FANCA: variants seen among roughly 807,000 people sequenced by gnomAD.
FANCA encodes FA complementation group A.
A neutral mutation model predicts 194.3 loss-of-function variants in FANCA; 236 were observed. The observed-to-expected ratio is 1.21, with a 90% CI of 1.09 to 1.35. FANCA has a LOEUF of 1.35. Among genes scored for constraint, FANCA ranks in the 40% most tolerant of loss-of-function variants. The probability of loss-of-function intolerance (pLI) is 0.00; values close to 1 mark genes in which losing one functional copy is unlikely to be tolerated. For missense variants in FANCA, 2,628 were observed against 1,813.9 expected, an observed-to-expected ratio of 1.45 and a Z score of -8.15; for synonymous variants, 1,014 against 715.8, an observed-to-expected ratio of 1.42 and a Z score of -6.65.
At chr16:89,773,558 G>A (rs990476361) in intron 21 of FANCA, among the ~76,000 whole-genome samples, 174 bp from the exon 22 acceptor site, 3 of 152,048 alleles carry the variant, frequency 2.0e-5, no homozygotes, top group African/African-American at 7.2e-5. Context: ...CCCTGATGCT[G>A]GATGCCACAT....
intron 14 of FANCA, among the ~76,000 whole-genome samples, chr16:89,785,851 G>GTGTT (rs2039875946): frequency 1.1e-5 from 1 of 91,706 alleles, no homozygotes; most frequent in Non-Finnish European, 1.9e-5. Flanking sequence ...GTGCAAAATT[G>GTGTT]TGTTTTGTTT....
In FANCA at chr16:89,739,308, T is replaced by A; in HGVS notation, c.4011-19A>T. On this transcript the variant is annotated intron_variant, in intron 40 of 42. Coordinates refer to ENST00000389301, the MANE Select transcript of FANCA (RefSeq NM_000135.4). ...GAGAAGACTAGAGGTAAAGACATAG[T>A]GACAAATGGCTACAGACTGCTGGAA... 6.2e-7 allele frequency: 1 copy of A among 1,614,008 alleles called. No homozygotes were observed. Among genetic ancestry groups the A allele is most frequent in the Non-Finnish European group, 8.5e-7 (1 of 1,179,986 alleles).
intron 36 of FANCA, among the ~76,000 whole-genome samples, chr16:89,744,008 C>T (rs2062190799): frequency 6.6e-6 from 1 of 152,012 alleles, no homozygotes; most frequent in African/African-American, 2.4e-5. Context: ...AGCAATTCTC[C>T]TGCCTCAGCC....
In FANCA at chr16:89,799,552, C is replaced by T. The variant is rs946837162; in HGVS notation, c.826+53G>A. On this transcript the variant is annotated intron_variant, in intron 9 of 42. Transcript: ENST00000389301. ...GAAAGGCAGAAAACTGATACAATTG[C>T]TAATAAGCAAACTAAGTCATTTACA... The T allele has an allele frequency of 4.1e-5, 63 of 1,533,342 alleles. 1 individual carries two copies. Among genetic ancestry groups the T allele is most frequent in the South Asian group, 3.8e-4 (34 of 89,326 alleles). 95.0% of individuals were successfully genotyped at this position (1,533,342 alleles called of 1,614,324 possible).
At chr16:89,783,647 G>A (rs2039799001) in intron 15 of FANCA, among the ~76,000 whole-genome samples, 2 of 152,170 alleles carry the variant, frequency 1.3e-5, no homozygotes, top group African/African-American at 2.4e-5. Context: ...CAAGTCCAGG[G>A]CGGCTCACTG....
intron 4 of FANCA, 33 bp downstream of exon 4, chr16:89,810,896 G>A (rs1359102205): frequency 4.3e-6 from 7 of 1,613,924 alleles, no homozygotes; most frequent in African/African-American, 2.7e-5. Context: ...AAGTAACAAC[G>A]GGCAGGTTTC....
intron 15 of FANCA, among the ~76,000 whole-genome samples, chr16:89,784,421 T>TAA (rs59766959): frequency 3.4e-5 from 4 of 118,298 alleles, no homozygotes; most frequent in South Asian, 5.1e-4. Context: ...CACATGAAAT[T>TAA]AAAAAAAAAA....
intron 5 of FANCA, among the ~76,000 whole-genome samples, chr16:89,808,910 A>ATTTT (rs112058471): frequency 7.1e-6 from 1 of 140,608 alleles, no homozygotes; most frequent in East Asian, 2.1e-4. Context: ...CTCACACTCT[A>ATTTT]TTTTTTTTTT....
intron 20 of FANCA, chr16:89,778,532 G>A: frequency 4.8e-6 from 2 of 419,138 alleles, no homozygotes; most frequent in South Asian, 4.7e-5. Flanking sequence ...GGAGGCTGAA[G>A]CAAGAGAATC....
intron 15 of FANCA, among the ~76,000 whole-genome samples, chr16:89,784,420 T>C (rs1051904041): frequency 8.3e-6 from 1 of 121,198 alleles, no homozygotes; most frequent in Non-Finnish European, 1.8e-5. Context: ...CCACATGAAA[T>C]TAAAAAAAAA....
At chr16:89,762,803 T>C (rs920651101) in intron 28 of FANCA, 15 of 449,594 alleles carry the variant, frequency 3.3e-5, no homozygotes, top group African/African-American at 2.8e-4. Flanking sequence ...GCTAAGTTTT[T>C]TAAAAACATT....
chr16:89,814,461 G>A, intron 3 of FANCA, 59 bp downstream of exon 3: 1 of 1,286,740 alleles, frequency 7.8e-7, no homozygotes, highest in Non-Finnish European at 1.1e-6. Flanking sequence ...AGCAAACTAT[G>A]GTTACTATAT....
At chr16:89,791,774 A>T in intron 13 of FANCA, 153 bp downstream of exon 13, 1 of 1,077,098 alleles carries the variant, frequency 9.3e-7, no homozygotes, top group Non-Finnish European at 1.4e-6. Flanking sequence ...GAAGCGTCTG[A>T]CAAAGAATGT....
chr16:89,744,676 T>G (rs966588042), intron 36 of FANCA: 71 of 435,672 alleles, frequency 1.6e-4, no homozygotes, highest in Middle Eastern at 6.8e-4. Context: ...TTTTTTTTTT[T>G]GTTTTTTTTC....
At chr16:89,751,471 C>T (rs2038588156) in intron 31 of FANCA, among the ~76,000 whole-genome samples, 1 of 152,006 alleles carries the variant, frequency 6.6e-6, no homozygotes, top group Admixed American at 6.6e-5. Flanking sequence ...GACCCTGTCC[C>T]AATAATAATA....
chr16:89,778,711 T>C (rs1205228789), intron 20 of FANCA, 90 bp downstream of exon 20: 2 of 1,229,980 alleles, frequency 1.6e-6, no homozygotes, highest in East Asian at 2.4e-5. Flanking sequence ...AATAGTGGTC[T>C]AACAAATTTC....
rs550734072 is a variant in FANCA at position 89,748,979 on chromosome 16, G to C, written c.3240-212C>G. 1.2e-3 allele frequency among the ~76,000 whole-genome samples: 185 copies of C among 151,342 alleles called. 2 individuals carry two copies. The highest frequency in any genetic ancestry group is 4.3e-3 in the African/African-American group (177 of 41,518). ...GTTTGGCCCACTGCATTCAAAATGT[G>C]TTACCAAACAAACAACTTTTAACAG... On this transcript the variant is annotated intron_variant, in intron 32 of 42. Transcript: ENST00000389301.
intron 11 of FANCA, among the ~76,000 whole-genome samples, chr16:89,794,067 A>G (rs2040163365): frequency 1.4e-5 from 2 of 143,158 alleles, no homozygotes; most frequent in Admixed American, 1.4e-4. Context: ...TGTGTTTCAA[A>G]GCTTCAGTGT....
At chr16:89,792,628 G>C in intron 11 of FANCA, 81 bp from the exon 12 acceptor site, 3 of 1,187,124 alleles carry the variant, frequency 2.5e-6, no homozygotes, top group Non-Finnish European at 3.7e-6. Context: ...GCCCCACAGG[G>C]TCGGTGGGTC....
Sources: gnomAD v4.1 joint callset for allele counts (sites outside exome capture counted in the v4.1 genomes callset) on GRCh38, gnomAD v4.1.1 for gene constraint, MANE v1.5 for transcripts, NCBI Gene and HGNC (gene_info 2026-07-23, HGNC 2026-07-21) for gene names.